The following ADGRB3 variants were observed in gnomAD, a reference collection of about 807,000 sequenced individuals.
The protein encoded by ADGRB3 is adhesion G protein-coupled receptor B3, also known as brain-specific angiogenesis inhibitor 3.
ADGRB3 carries 37 observed loss-of-function variants against 193.4 expected under a neutral mutation model. The observed-to-expected ratio is 0.19, with a 90% confidence interval of 0.15 to 0.25. The LOEUF (loss-of-function observed/expected upper bound fraction) is 0.25, where lower values mean the gene tolerates loss of function less well. Ranked by LOEUF, ADGRB3 falls within the 10% of genes least tolerant of loss-of-function variation. The pLI is 1.00. For missense variants in ADGRB3, 1,637 were observed against 1,852.9 expected, an observed-to-expected ratio of 0.88 and a Z score of 2.14; for synonymous variants, 690 against 644.2, an observed-to-expected ratio of 1.07 and a Z score of -1.08.
rs569341200 is a variant in ADGRB3, at chr6:69,259,819, A to T, written c.2814+20593A>T. 3.9e-5 allele frequency among the ~76,000 whole-genome samples: 6 copies of T among 152,236 alleles called. No homozygotes were observed. In the East Asian group the frequency reaches 7.7e-4, roughly 20 times the overall value. On this transcript the variant is annotated intron_variant, in intron 20 of 31. Coordinates refer to ENST00000370598, the MANE Select transcript of ADGRB3 (RefSeq NM_001704.3). ...ATATGTAAAATATTAATGGACTCAGATATAAAGACATTGGATATATCAGAG... is the reference window on the plus strand; with the variant it reads ...ATATGTAAAATATTAATGGACTCAGTTATAAAGACATTGGATATATCAGAG...
At chr6:68,748,322 A>AT (rs1318095266) in intron 3 of ADGRB3, among the ~76,000 whole-genome samples, 4 of 152,322 alleles carry the variant, frequency 2.6e-5, no homozygotes, top group Non-Finnish European at 4.4e-5. Flanking sequence ...TCTGCCTATG[A>AT]GCCTGTAAAA....
In ADGRB3 at chr6:68,749,114, A is replaced by T. The variant is rs182357468; in HGVS notation, c.757+109682A>T. On this transcript the variant is annotated intron_variant, in intron 3 of 31. Coordinates refer to ENST00000370598, the MANE Select transcript of ADGRB3 (RefSeq NM_001704.3). Reference sequence around the variant, plus strand: ...TTTTTCCTCCTGGGCCTCTTGGTCTATGATGGGAGGGGCTGCCATGAAGGT... The same window carrying T: ...TTTTTCCTCCTGGGCCTCTTGGTCTTTGATGGGAGGGGCTGCCATGAAGGT... 8.0e-3 allele frequency among the ~76,000 whole-genome samples: 1,212 copies of T among 152,136 alleles called. 7 individuals are homozygous for T. Among genetic ancestry groups the T allele is most frequent in the Non-Finnish European group, 0.015 (1,016 of 68,016 alleles).
At chr6:69,107,995 T>C (rs1773259662) in intron 17 of ADGRB3, among the ~76,000 whole-genome samples, 1 of 149,982 alleles carries the variant, frequency 6.7e-6, no homozygotes, top group African/African-American at 2.5e-5. Context: ...ATGCAATGAA[T>C]CTAGATAACA....
chr6:68,678,151 T>C (rs772631324), intron 3 of ADGRB3, among the ~76,000 whole-genome samples: 3 of 152,118 alleles, frequency 2.0e-5, no homozygotes, highest in Non-Finnish European at 4.4e-5. Context: ...CTGGGTACTG[T>C]GGCTCATGCT....
chr6:69,325,160 A>G, intron 21 of ADGRB3, 138 bp downstream of exon 21: 1 of 1,125,658 alleles, frequency 8.9e-7, no homozygotes, highest in Non-Finnish European at 1.2e-6. Flanking sequence ...TGAGCTGGTC[A>G]GTTTTGAACA....
At chr6:68,823,432 CTAAA>C (rs1767784300) in intron 3 of ADGRB3, among the ~76,000 whole-genome samples, 3 of 151,968 alleles carry the variant, frequency 2.0e-5, no homozygotes, top group African/African-American at 4.8e-5. Flanking sequence ...TGATCAATAA[CTAAA>C]TAGATACTAA....
intron 3 of ADGRB3, among the ~76,000 whole-genome samples, chr6:68,889,209 C>G (rs1377828943): frequency 6.6e-6 from 1 of 152,114 alleles, no homozygotes; most frequent in Admixed American, 6.6e-5. Flanking sequence ...TAAACAAATT[C>G]ACATTGGTTT....
chr6:68,641,869 ATAC>A (rs1768090102), intron 3 of ADGRB3, among the ~76,000 whole-genome samples: 1 of 151,990 alleles, frequency 6.6e-6, no homozygotes, highest in Admixed American at 6.6e-5. Flanking sequence ...GATATATAAA[ATAC>A]TAATAAATAA....
At chr6:68,721,714 G>T (rs1765586276) in intron 3 of ADGRB3, among the ~76,000 whole-genome samples, 1 of 147,738 alleles carries the variant, frequency 6.8e-6, no homozygotes, top group Non-Finnish European at 1.5e-5. Context: ...AAAGCGCTCT[G>T]GTCTCCCCTA....
chr6:69,042,508 TAA>T lies in ADGRB3; in HGVS notation c.2108-5676_2108-5675del, dbSNP rs370899872. Among the ~76,000 whole-genome samples the T allele has an allele frequency of 1.2e-3, 188 of 152,324 alleles. 1 individual carries two copies. Among genetic ancestry groups the T allele is most frequent in the African/African-American group, 4.5e-3 (185 of 41,562 alleles). ...TACTTAGCATTGCTATGTAAATATA[TAA>T]GTCATGTTTTAAAAAGAAATTGTTA... is the stretch of plus-strand genomic sequence containing the variant. On this transcript the variant is annotated intron_variant, in intron 13 of 31. Transcript: ENST00000370598.
chr6:69,113,007 C>T (rs1223281988), intron 17 of ADGRB3, among the ~76,000 whole-genome samples: 1 of 152,196 alleles, frequency 6.6e-6, no homozygotes, highest in Admixed American at 6.5e-5. Context: ...GTCTGCCCAC[C>T]TCAGCCTCCC....
intron 19 of ADGRB3, among the ~76,000 whole-genome samples, chr6:69,238,074 T>C (rs1766307576): frequency 6.6e-6 from 1 of 152,030 alleles, no homozygotes; most frequent in South Asian, 2.1e-4. Flanking sequence ...GGGTTCTACC[T>C]TGATTGTCCT....
chr6:68,775,145 TAAAA>T (rs746086066), intron 3 of ADGRB3, among the ~76,000 whole-genome samples: 1 of 115,668 alleles, frequency 8.6e-6, no homozygotes, highest in Non-Finnish European at 1.7e-5. Flanking sequence ...AGCTGCTTGT[TAAAA>T]AAAAAAAAAA....
At chr6:69,161,219 A>T (rs1213560119) in intron 17 of ADGRB3, among the ~76,000 whole-genome samples, 1 of 151,954 alleles carries the variant, frequency 6.6e-6, no homozygotes, top group African/African-American at 2.4e-5. Flanking sequence ...TACTAAATTA[A>T]ATAATAATAA....
chr6:69,078,117 T>A (rs1020775237), intron 17 of ADGRB3, among the ~76,000 whole-genome samples: 1 of 152,054 alleles, frequency 6.6e-6, no homozygotes, highest in Non-Finnish European at 1.5e-5. Flanking sequence ...CTGCTACTTC[T>A]TTTTATACAG....
At chr6:68,777,172 C>G (rs764230696) in intron 3 of ADGRB3, among the ~76,000 whole-genome samples, 1 of 152,054 alleles carries the variant, frequency 6.6e-6, no homozygotes, top group Non-Finnish European at 1.5e-5. Context: ...TATAGAACCC[C>G]GCACTGTAAT....
intron 8 of ADGRB3, among the ~76,000 whole-genome samples, chr6:68,971,452 C>T (rs1395227865): frequency 3.9e-5 from 6 of 152,220 alleles, no homozygotes; most frequent in South Asian, 2.1e-4. Context: ...TTGCCAATAT[C>T]GTATTTTCAA....
At chr6:68,865,848 CA>C (rs1446732978) in intron 3 of ADGRB3, among the ~76,000 whole-genome samples, 3 of 152,150 alleles carry the variant, frequency 2.0e-5, no homozygotes, top group Non-Finnish European at 4.4e-5. Context: ...AGCAGATATC[CA>C]ATGAAGCAAC....
chr6:68,883,428 TC>T (rs1765793103), intron 3 of ADGRB3, among the ~76,000 whole-genome samples: 2 of 152,184 alleles, frequency 1.3e-5, no homozygotes, highest in African/African-American at 4.8e-5. Context: ...TGCGTCTCCT[TC>T]CACGTTGTAG....
Sources: gnomAD v4.1 joint callset for allele counts (sites outside exome capture counted in the v4.1 genomes callset) on GRCh38, gnomAD v4.1.1 for gene constraint, MANE v1.5 for transcripts, NCBI Gene and HGNC (gene_info 2026-07-23, HGNC 2026-07-21) for gene names.